Variants in NARS1 observed in about 807,000 individuals in gnomAD.
NARS1 encodes the protein asparaginyl-tRNA synthetase 1.
In NARS1, 65 loss-of-function variants were observed where a neutral mutation model predicts 79.2. The observed-to-expected ratio is 0.82, with a 90% CI of 0.67 to 1.01. The LOEUF (loss-of-function observed/expected upper bound fraction) is 1.01, where lower values mean the gene tolerates loss of function less well. Among genes scored for constraint, NARS1 ranks in the 50% least tolerant of loss-of-function variants. The pLI is 0.00. For missense variants in NARS1, 649 were observed against 673.8 expected, an observed-to-expected ratio of 0.96 and a Z score of 0.41; for synonymous variants, 229 against 238.8, an observed-to-expected ratio of 0.96 and a Z score of 0.38.
In NARS1 at chr18:57,613,734, A is replaced by AC. The variant is rs1340670907; in HGVS notation, c.343-55dup. The AC allele has an allele frequency of 7.1e-6, 10 of 1,411,014 alleles. No individual in the cohort carries two copies. The African/African-American group carries it at 9.9e-5, about 14-fold the overall frequency. The allele number at this position is 1,411,014 out of a possible 1,614,324, so 87.4% of individuals were successfully genotyped here. On this transcript the variant is annotated intron_variant, in intron 4 of 13. Coordinates refer to ENST00000256854, the MANE Select transcript of NARS1 (RefSeq NM_004539.4). ...TCAATAATGTCATTTATACACACCA[A>AC]CTTTTTCACTAATATTAGGCAGACG...
chr18:57,611,582 A>T, intron 6 of NARS1, 55 bp downstream of exon 6: 1 of 1,174,372 alleles, frequency 8.5e-7, no homozygotes, highest in Non-Finnish European at 1.2e-6. Flanking sequence ...CAAAACAATA[A>T]AGGAATCTAC....
In NARS1 at chr18:57,601,583, C is replaced by CT. The variant is rs201761565; in HGVS notation, c.*68dup. 2.4e-4 allele frequency: 353 copies of CT among 1,448,400 alleles called. 2 individuals carry two copies. The East Asian group carries it at 6.6e-3, about 27-fold the overall frequency. 89.7% of individuals were successfully genotyped at this position (1,448,400 alleles called of 1,614,324 possible). ...TGAAACAAAAAAAGGAAGATTCTGGCTTTTTGTTTTCTTTTTTAAAGAGCC... is the reference window on the plus strand; with the variant it reads ...TGAAACAAAAAAAGGAAGATTCTGGCTTTTTTGTTTTCTTTTTTAAAGAGCC... On this transcript the variant is annotated 3_prime_UTR_variant, in exon 14 of 14. Transcript: ENST00000256854.
chr18:57,602,737 G>C (rs1463014448), intron 12 of NARS1, 75 bp downstream of exon 12: 5 of 1,512,676 alleles, frequency 3.3e-6, no homozygotes, highest in Non-Finnish European at 4.5e-6. Flanking sequence ...GGCATGAGCT[G>C]TACCTGATTC....
intron 11 of NARS1, among the ~76,000 whole-genome samples, chr18:57,603,327 C>T (rs1018322114): frequency 7.9e-5 from 12 of 152,012 alleles, no homozygotes; most frequent in Admixed American, 2.6e-4. Flanking sequence ...CACTTAGTCC[C>T]GTAAGGCATA....
In NARS1 at chr18:57,621,826, A is replaced by C. The variant is rs935535974; in HGVS notation, c.-109T>G. On this transcript the variant is annotated 5_prime_UTR_variant, in exon 1 of 14. Coordinates refer to ENST00000256854, the MANE Select transcript of NARS1 (RefSeq NM_004539.4). ...CCGCGATTCCGGCGTTGCATCAGAG[A>C]GCGTAGATCTGAGGGCGCCTGCGAG... The C allele has an allele frequency of 2.6e-5, 41 of 1,582,540 alleles. No homozygotes were observed. In the African/African-American group the frequency reaches 3.4e-4, roughly 13 times the overall value.
chr18:57,603,002 A>G, intron 11 of NARS1, 59 bp from the exon 12 acceptor site: 10 of 1,582,620 alleles, frequency 6.3e-6, no homozygotes, highest in Non-Finnish European at 8.7e-6. Flanking sequence ...AGACAGAAGC[A>G]GCTCCTTCAC....
intron 9 of NARS1, 52 bp downstream of exon 9, chr18:57,607,082 T>G: frequency 6.6e-7 from 1 of 1,504,742 alleles, no homozygotes. Flanking sequence ...CTAAGATTTC[T>G]TCTCTAAAGA....
intron 4 of NARS1, among the ~76,000 whole-genome samples, chr18:57,614,483 A>G: frequency 6.6e-6 from 1 of 152,072 alleles, no homozygotes; most frequent in East Asian, 1.9e-4. Flanking sequence ...CCTGGGTGAC[A>G]AGAGTGAAAC....
rs1059648 is a variant in NARS1, at chr18:57,600,800, G to C, written c.*852C>G. ...TGAGTTAATAAGGTAGCACAGATTA[G>C]ATCTAAGGACATGGTGGGGGCAACT... On this transcript the variant is annotated 3_prime_UTR_variant, in exon 14 of 14. Transcript: ENST00000256854. The C allele has an allele frequency of 1.3e-5, 2 of 152,154 alleles. No individual in the cohort carries two copies. The highest frequency in any genetic ancestry group is 2.1e-4 in the South Asian group (1 of 4,830). 9.4% of individuals were successfully genotyped at this position (152,154 alleles called of 1,614,324 possible).
Position 57,621,786 on chromosome 18 carries a change from G to C in NARS1, c.-69C>G. 6.2e-7 allele frequency: 1 copy of C among 1,611,018 alleles called. No homozygotes were observed. The stretch of plus-strand genomic sequence containing the variant: ...ACCGACGCCGTCTTATGACTCCAAC[G>C]TGCACCGGCGGTTTCCGCGATTCCG... On this transcript the variant is annotated 5_prime_UTR_variant, in exon 1 of 14. Transcript: ENST00000256854.
intron 1 of NARS1, among the ~76,000 whole-genome samples, chr18:57,621,178 AG>A (rs1908282123): frequency 6.6e-6 from 1 of 152,180 alleles, no homozygotes; most frequent in African/African-American, 2.4e-5. Context: ...AGGAAACAGA[AG>A]CTCTGAGGTT....
At chr18:57,612,750 A>T (rs1200316919) in intron 5 of NARS1, among the ~76,000 whole-genome samples, 1 of 152,172 alleles carries the variant, frequency 6.6e-6, no homozygotes, top group African/African-American at 2.4e-5. Flanking sequence ...CCACTTTTCA[A>T]TGAAAGATTT....
chr18:57,606,874 CA>C, intron 9 of NARS1, 123 bp from the exon 10 acceptor site: 1 of 1,328,134 alleles, frequency 7.5e-7, no homozygotes, highest in Non-Finnish European at 1.0e-6. Flanking sequence ...CCCAACTTTG[CA>C]AATTAGCTGT....
chr18:57,605,634 A>G (rs866168681), intron 11 of NARS1, among the ~76,000 whole-genome samples: 1 of 151,968 alleles, frequency 6.6e-6, no homozygotes, highest in South Asian at 2.1e-4. Context: ...AAAAAGAAAA[A>G]AAAAGAAACT....
At chr18:57,604,537 G>T (rs2051538035) in intron 11 of NARS1, among the ~76,000 whole-genome samples, 1 of 152,186 alleles carries the variant, frequency 6.6e-6, no homozygotes, top group African/African-American at 2.4e-5. Context: ...AAAACAATTA[G>T]ATGTGCAAAT....
rs772218344 is a variant in NARS1, at chr18:57,607,386, C to A, written c.802-53G>T. On this transcript the variant is annotated intron_variant, in intron 8 of 13. Transcript: ENST00000256854. ...CAATGCTATCGTGAGCACCACTATT[C>A]AAGTTTCAAAACGGCAAAAAACATA... is the stretch of plus-strand genomic sequence containing the variant. The A allele has an allele frequency of 4.3e-6, 7 of 1,610,874 alleles. No individual in the cohort carries two copies. In the South Asian group the frequency reaches 7.7e-5, roughly 18 times the overall value.
In NARS1 at chr18:57,611,645, C is replaced by T. The variant is rs1599036338; in HGVS notation, c.484G>A (p.Asp162Asn). ...GTGYLQCVLADELCQCYNGVL... is the reference protein window; with the variant it reads ...GTGYLQCVLANELCQCYNGVL... ...TAAGAGAAAATATTTACCAACTCAT[C>T]CGCCAAGACACACTGAAGATAACCT... Residue 162 changes from aspartate (D) to asparagine (N), a missense_variant, in exon 6 of 14, where the codon GAT becomes AAT. By Grantham distance (23) the Asp-to-Asn change is conservative. Transcript: ENST00000256854. The T allele has an allele frequency of 5.0e-6, 8 of 1,589,634 alleles. No homozygotes were observed. Among genetic ancestry groups the T allele is most frequent in the Non-Finnish European group, 6.8e-6 (8 of 1,168,732 alleles).
intron 11 of NARS1, 35 bp from the exon 12 acceptor site, chr18:57,602,978 C>A (rs1568162164): frequency 6.2e-7 from 1 of 1,611,990 alleles, no homozygotes; most frequent in Non-Finnish European, 8.5e-7. Flanking sequence ...ACATTTACAA[C>A]TTGGATCGCA....
rs370875011 is a variant in NARS1 at position 57,609,166 on chromosome 18, C to T, written c.579+191G>A. On this transcript the variant is annotated intron_variant, in intron 7 of 13. Coordinates refer to ENST00000256854, the MANE Select transcript of NARS1 (RefSeq NM_004539.4). Reference sequence around the variant, plus strand: ...GCTCCACAGCTTGCAGATGGCCTATCGTGGGACTTCATCTTGTGATCTTGT... The same window carrying T: ...GCTCCACAGCTTGCAGATGGCCTATTGTGGGACTTCATCTTGTGATCTTGT... 2.6e-5 allele frequency among the ~76,000 whole-genome samples: 4 copies of T among 152,312 alleles called. No individual in the cohort carries two copies. In the East Asian group the frequency reaches 5.8e-4, roughly 22 times the overall value.
Sources: allele counts gnomAD v4.1 joint callset (sites outside exome capture counted in the v4.1 genomes callset), GRCh38; gene constraint gnomAD v4.1.1; transcripts MANE v1.5; gene names NCBI Gene and HGNC (gene_info 2026-07-23, HGNC 2026-07-21).